Variants in IFFO2 observed in about 807,000 individuals in gnomAD.
The protein encoded by IFFO2 is intermediate filament family orphan 2.
Under a neutral mutation model 53.5 loss-of-function variants are expected in IFFO2, and 19 were observed. That is an observed-to-expected ratio of 0.36 (90% CI 0.25 to 0.52). IFFO2 has a LOEUF of 0.52. IFFO2 is among the 20% of genes least tolerant of loss of function. The probability of loss-of-function intolerance (pLI) is 0.94; values close to 1 mark genes in which losing one functional copy is unlikely to be tolerated. For synonymous variants in IFFO2, 303 were observed against 313.6 expected, an observed-to-expected ratio of 0.97 and a Z score of 0.36; for missense variants, 570 against 727.4, an observed-to-expected ratio of 0.78 and a Z score of 2.49.
chr1:18,913,863 C>T (rs556665513), intron 5 of IFFO2, among the ~76,000 whole-genome samples: 2 of 152,270 alleles, frequency 1.3e-5, no homozygotes, highest in Non-Finnish European at 2.9e-5. Context: ...GACGGAGTCT[C>T]GCTGTCGCCC....
At chr1:18,954,190 C>T (rs1348949821) in intron 1 of IFFO2, among the ~76,000 whole-genome samples, 1 of 152,216 alleles carries the variant, frequency 6.6e-6, no homozygotes, top group Non-Finnish European at 1.5e-5. Context: ...CATGAGAGAG[C>T]TTGAGGACTC....
chr1:18,941,504 C>T (rs1439430805), intron 1 of IFFO2, among the ~76,000 whole-genome samples: 1 of 152,228 alleles, frequency 6.6e-6, no homozygotes, highest in Non-Finnish European at 1.5e-5. Flanking sequence ...GGATTGGGCC[C>T]TTCACCCACA....
chr1:18,908,642 C>G lies in IFFO2; in HGVS notation c.1473G>C (p.Val491=). 1 of 1,551,612 alleles carries G rather than the reference C, an allele frequency of 6.4e-7. No homozygotes were observed. ...CTGTACTTCCTGAGTCGCTGCTGGC[C>G]ACGGAGCTGGGGGACGGTGAATTCC... ...ADRNSPSPSS[V]ASSDSGSTDE... The change falls in exon 9 of 9, where the codon GTG becomes GTC. Residue 491 remains valine (V), a synonymous_variant. Coordinates refer to ENST00000455833, the MANE Select transcript of IFFO2 (RefSeq NM_001136265.2).
At chr1:18,922,033 C>G (rs1177161641) in intron 1 of IFFO2, among the ~76,000 whole-genome samples, 1 of 152,178 alleles carries the variant, frequency 6.6e-6, no homozygotes, top group Non-Finnish European at 1.5e-5. Flanking sequence ...TCGTAACAAC[C>G]TATGACGTAG....
chr1:18,926,427 G>A (rs917898376), intron 1 of IFFO2, among the ~76,000 whole-genome samples: 1 of 152,184 alleles, frequency 6.6e-6, no homozygotes, highest in Non-Finnish European at 1.5e-5. Context: ...GGGCCAGGGA[G>A]GGGAGGCAGG....
intron 1 of IFFO2, among the ~76,000 whole-genome samples, chr1:18,941,841 G>A (rs1051140878): frequency 1.3e-5 from 2 of 152,128 alleles, no homozygotes; most frequent in African/African-American, 2.4e-5. Flanking sequence ...CCAGGGAGGC[G>A]GGGACAGGGA....
Position 18,919,016 on chromosome 1 carries a change from C to G in IFFO2, c.823-514G>C, listed in dbSNP as rs922811572. ...CTGGGAGGCTTCTACCAACCACACC[C>G]AGCTTCACGTCCCTCCACACCAGGA... On this transcript the variant is annotated intron_variant, in intron 3 of 8. Transcript: ENST00000455833. The surrounding 1 kb of genome is among the most constrained non-coding windows in gnomAD (Gnocchi z 4.9). Among the ~76,000 whole-genome samples, 3 of 152,242 alleles carry G rather than the reference C, an allele frequency of 2.0e-5. 1 individual carries two copies.
At chr1:18,950,338 A>G (rs1936644409) in intron 1 of IFFO2, among the ~76,000 whole-genome samples, 1 of 152,142 alleles carries the variant, frequency 6.6e-6, no homozygotes, top group Non-Finnish European at 1.5e-5. Context: ...AAAGGAACAG[A>G]CTTTGCCAGG....
chr1:18,920,586 CA>C (rs913628884), intron 2 of IFFO2, among the ~76,000 whole-genome samples: 1 of 152,222 alleles, frequency 6.6e-6, no homozygotes, highest in African/African-American at 2.4e-5. Flanking sequence ...GCTAGAGCAG[CA>C]AGGGGAATGT....
Position 18,924,997 on chromosome 1 carries a change from C to T in IFFO2, c.666-3876G>A, listed in dbSNP as rs554112488. ...CAGGGCCTATGGACAACTCCAGCCACGGCTGACACGGCCTGAATCACTGAG... is the reference window on the plus strand; with the variant it reads ...CAGGGCCTATGGACAACTCCAGCCATGGCTGACACGGCCTGAATCACTGAG... On this transcript the variant is annotated intron_variant, in intron 1 of 8. Coordinates refer to ENST00000455833, the MANE Select transcript of IFFO2 (RefSeq NM_001136265.2). Among the ~76,000 whole-genome samples the T allele has an allele frequency of 2.9e-4, 44 of 152,332 alleles. 1 individual carries two copies. The highest frequency in any genetic ancestry group is 5.4e-4 in the Non-Finnish European group (37 of 68,026).
chr1:18,911,053 G>T (rs1936027765), intron 7 of IFFO2, among the ~76,000 whole-genome samples: 1 of 152,226 alleles, frequency 6.6e-6, no homozygotes, highest in Non-Finnish European at 1.5e-5. Context: ...ACTGCATAGG[G>T]CACAGGTAAG....
chr1:18,915,318 A>G (rs1193813360), intron 5 of IFFO2, among the ~76,000 whole-genome samples: 2 of 152,206 alleles, frequency 1.3e-5, no homozygotes, highest in Non-Finnish European at 2.9e-5. Context: ...GGCATCTGCT[A>G]GAAGGAGCAT....
chr1:18,921,423 CT>C (rs1444386092), intron 1 of IFFO2, among the ~76,000 whole-genome samples: 2 of 152,234 alleles, frequency 1.3e-5, no homozygotes, highest in African/African-American at 2.4e-5. Context: ...TGCATGCAAA[CT>C]GTAAAGTGCT....
At chr1:18,912,716 A>G (rs913295573) in intron 5 of IFFO2, among the ~76,000 whole-genome samples, 3 of 152,144 alleles carry the variant, frequency 2.0e-5, no homozygotes, top group Non-Finnish European at 4.4e-5. Context: ...AAACAATCCT[A>G]TGAGGTAAGC....
At chr1:18,930,130 G>T (rs1236364929) in intron 1 of IFFO2, among the ~76,000 whole-genome samples, 1 of 152,124 alleles carries the variant, frequency 6.6e-6, no homozygotes, top group Non-Finnish European at 1.5e-5. Context: ...ACCCTCTCTG[G>T]GCCTTGGTAA....
At chr1:18,909,471 T>C (rs1364862262) in intron 8 of IFFO2, among the ~76,000 whole-genome samples, 1 of 152,096 alleles carries the variant, frequency 6.6e-6, no homozygotes, top group Non-Finnish European at 1.5e-5. Flanking sequence ...CCACCCAAAT[T>C]GCATCTGGAA....
rs78305549 is a variant in IFFO2 at position 18,917,328 on chromosome 1, T to C, written c.964-286A>G. On this transcript the variant is annotated intron_variant, in intron 4 of 8. Transcript: ENST00000455833. The surrounding 1 kb of genome is among the most constrained non-coding windows in gnomAD (Gnocchi z 5.9). The stretch of plus-strand genomic sequence containing the variant: ...TTTACCACAGAAGCAGCCCCACAGT[T>C]TGGGGAGAGGAGCAGGCCAGACCGG... 0.017 allele frequency among the ~76,000 whole-genome samples: 2,537 copies of C among 151,996 alleles called. 45 individuals are homozygous for C. Among genetic ancestry groups the C allele is most frequent in the South Asian group, 0.037 (178 of 4,792 alleles).
intron 1 of IFFO2, among the ~76,000 whole-genome samples, chr1:18,934,425 T>G (rs1936419410): frequency 8.1e-6 from 1 of 123,054 alleles, no homozygotes; most frequent in African/African-American, 2.5e-5. Flanking sequence ...TTGTAGTGTG[T>G]GTCAGAATTT....
chr1:18,929,346 TGGG>T (rs529231029), intron 1 of IFFO2, among the ~76,000 whole-genome samples: 2 of 152,210 alleles, frequency 1.3e-5, no homozygotes, highest in East Asian at 3.9e-4. Context: ...TCTACCCACC[TGGG>T]GGAGGGAGGG....
Sources: gnomAD v4.1 joint callset for allele counts (sites outside exome capture counted in the v4.1 genomes callset) on GRCh38, gnomAD v4.1.1 for gene constraint, Gnocchi (gnomAD v3.1) non-coding constraint, MANE v1.5 for transcripts, NCBI Gene and HGNC (gene_info 2026-07-23, HGNC 2026-07-21) for gene names.